Variants in AHCYL2 observed in about 807,000 individuals in gnomAD.
AHCYL2 encodes S-adenosylhomocysteine hydrolase-like protein 2.
A neutral mutation model predicts 81.4 loss-of-function variants in AHCYL2; 28 were observed. That is an observed-to-expected ratio of 0.34 (90% CI 0.25 to 0.47). The LOEUF (loss-of-function observed/expected upper bound fraction) is 0.47, where lower values mean the gene tolerates loss of function less well. AHCYL2 is among the 20% of genes least tolerant of loss of function. AHCYL2 has a pLI of 1.00. For missense variants in AHCYL2, 551 were observed against 785.1 expected, an observed-to-expected ratio of 0.70 and a Z score of 3.56; for synonymous variants, 272 against 290.2, an observed-to-expected ratio of 0.94 and a Z score of 0.64.
chr7:129,247,441 A>T (rs1795100604), intron 1 of AHCYL2, among the ~76,000 whole-genome samples: 1 of 152,160 alleles, frequency 6.6e-6, no homozygotes, highest in Non-Finnish European at 1.5e-5. Flanking sequence ...GGAATTCTTT[A>T]TACAGCATGT....
chr7:129,352,158 G>C (rs891372563), intron 1 of AHCYL2, among the ~76,000 whole-genome samples: 94 of 152,110 alleles, frequency 6.2e-4, no homozygotes, highest in African/African-American at 2.2e-3. Context: ...ACTGCACTAG[G>C]CTCCTTTTTT....
At chr7:129,230,342 A>G (rs1012543699) in intron 1 of AHCYL2, among the ~76,000 whole-genome samples, 2 of 151,836 alleles carry the variant, frequency 1.3e-5, no homozygotes, top group South Asian at 2.1e-4. Context: ...TCAGCCTCCC[A>G]AAGTGCTGGG....
At chr7:129,310,690 G>A (rs1285829607) in intron 1 of AHCYL2, among the ~76,000 whole-genome samples, 2 of 152,206 alleles carry the variant, frequency 1.3e-5, no homozygotes, top group African/African-American at 4.8e-5. Context: ...GACATTATTT[G>A]TAGGGAAGCA....
intron 1 of AHCYL2, among the ~76,000 whole-genome samples, chr7:129,263,504 G>T (rs1050137904): frequency 6.6e-6 from 1 of 152,144 alleles, no homozygotes. Context: ...TTTGCTTTCC[G>T]GGATTACCTG....
chr7:129,325,192 T>C (rs950574525), intron 1 of AHCYL2, among the ~76,000 whole-genome samples: 4 of 152,222 alleles, frequency 2.6e-5, no homozygotes, highest in African/African-American at 9.6e-5. Context: ...CCTTTAATGT[T>C]TCTTGTACTG....
intron 15 of AHCYL2, among the ~76,000 whole-genome samples, chr7:129,425,911 C>T (rs183709950): frequency 3.3e-5 from 5 of 152,308 alleles, no homozygotes; most frequent in African/African-American, 1.2e-4. Context: ...TAGGAAATGA[C>T]ATAAGATTAT....
At chr7:129,364,688 G>C (rs1034742618) in intron 1 of AHCYL2, among the ~76,000 whole-genome samples, 1 of 152,006 alleles carries the variant, frequency 6.6e-6, no homozygotes, top group Non-Finnish European at 1.5e-5. Flanking sequence ...ATATTCTAAC[G>C]GTTGGGCTTC....
At chr7:129,395,839 T>TTGACACACTTTCCCAC (rs1563232025) in intron 4 of AHCYL2, among the ~76,000 whole-genome samples, 2 of 152,164 alleles carry the variant, frequency 1.3e-5, no homozygotes, top group Non-Finnish European at 2.9e-5. Flanking sequence ...AAATTCCACA[T>TTGACACACTTTCCCAC]TGACACACTT....
chr7:129,421,657 A>T (rs1410023382), intron 12 of AHCYL2, among the ~76,000 whole-genome samples: 1 of 152,260 alleles, frequency 6.6e-6, no homozygotes, highest in Non-Finnish European at 1.5e-5. Context: ...GAAACGGTCC[A>T]CACCATTAAT....
chr7:129,370,133 A>G (rs954406739), intron 1 of AHCYL2, among the ~76,000 whole-genome samples: 9 of 152,192 alleles, frequency 5.9e-5, no homozygotes, highest in African/African-American at 2.2e-4. Flanking sequence ...CTCAGAATCA[A>G]TCAAAGTTTT....
chr7:129,366,725 G>A (rs947449673), intron 1 of AHCYL2, among the ~76,000 whole-genome samples: 3 of 149,206 alleles, frequency 2.0e-5, no homozygotes, highest in Admixed American at 6.7e-5. Context: ...GCGGTGAGCC[G>A]AGATCACGCC....
At chr7:129,423,234 G>A (rs1173882937) in intron 13 of AHCYL2, among the ~76,000 whole-genome samples, 3 of 152,192 alleles carry the variant, frequency 2.0e-5, no homozygotes, top group Non-Finnish European at 4.4e-5. Flanking sequence ...CACTTTGAGT[G>A]ATGCATACAA....
intron 1 of AHCYL2, among the ~76,000 whole-genome samples, chr7:129,277,905 T>C (rs556928464): frequency 6.6e-6 from 1 of 152,350 alleles, no homozygotes; most frequent in East Asian, 1.9e-4. Context: ...TGTGAACATT[T>C]ATTAGAGATA....
chr7:129,335,297 C>G (rs1239721026), intron 1 of AHCYL2, among the ~76,000 whole-genome samples: 1 of 151,148 alleles, frequency 6.6e-6, no homozygotes, highest in Non-Finnish European at 1.5e-5. Flanking sequence ...CACTTGAGCT[C>G]AGGAGTTCAA....
At position 129,283,082 on chromosome 7, in the gene AHCYL2, C is replaced by A. The variant is rs560390488; in HGVS notation, c.363+57643C>A. 4.3e-4 allele frequency among the ~76,000 whole-genome samples: 65 copies of A among 152,218 alleles called. 1 individual carries two copies. The South Asian group carries it at 0.013, about 31-fold the overall frequency. Reference sequence around the variant, plus strand: ...CTACATGCACTCACTGGTCAGTACCCCACTGAGTACTTAAGAGGAGCCCAC... The same window carrying A: ...CTACATGCACTCACTGGTCAGTACCACACTGAGTACTTAAGAGGAGCCCAC... On this transcript the variant is annotated intron_variant, in intron 1 of 16. Coordinates refer to ENST00000325006, the MANE Select transcript of AHCYL2 (RefSeq NM_015328.4).
At chr7:129,390,243 A>G (rs1371485955) in intron 4 of AHCYL2, among the ~76,000 whole-genome samples, 2 of 152,236 alleles carry the variant, frequency 1.3e-5, no homozygotes, top group African/African-American at 4.8e-5. Context: ...TATAACAACT[A>G]TTTACATAGC....
In AHCYL2 at chr7:129,368,120, G is replaced by C. The variant is rs1253325206; in HGVS notation, c.364-11518G>C. ...AGAATTCACAAGTGCCTCACACACA[G>C]GGAAAGAAGGAAGTCCAACTATTGC... On this transcript the variant is annotated intron_variant, in intron 1 of 16. Transcript: ENST00000325006. This position sits in a 1 kb window ranked among gnomAD's most constrained non-coding sequence, Gnocchi z 4.4. 4 of 1,032,212 alleles carry C rather than the reference G, an allele frequency of 3.9e-6. No homozygotes were observed. The highest frequency in any genetic ancestry group is 1.7e-5 in the African/African-American group (1 of 58,852). 63.9% of individuals were successfully genotyped at this position (1,032,212 alleles called of 1,614,324 possible). A position where few individuals can be genotyped will look rare whatever the true frequency, so the allele number is the denominator to read the frequency against.
intron 6 of AHCYL2, among the ~76,000 whole-genome samples, chr7:129,401,054 G>A (rs1796006235): frequency 6.6e-6 from 1 of 152,286 alleles, no homozygotes; most frequent in East Asian, 1.9e-4. Flanking sequence ...AAAGGGCCAG[G>A]TGTGGTGGCC....
intron 1 of AHCYL2, among the ~76,000 whole-genome samples, chr7:129,269,089 A>C (rs1255124001): frequency 6.6e-6 from 1 of 151,178 alleles, no homozygotes; most frequent in Non-Finnish European, 1.5e-5. Flanking sequence ...TTGGCTTTCA[A>C]AGTTTCTTTT....
Sources: gnomAD v4.1 joint callset for allele counts (sites outside exome capture counted in the v4.1 genomes callset) on GRCh38, gnomAD v4.1.1 for gene constraint, Gnocchi (gnomAD v3.1) non-coding constraint, MANE v1.5 for transcripts, NCBI Gene and HGNC (gene_info 2026-07-23, HGNC 2026-07-21) for gene names.